The following GALNT17 variants were observed in gnomAD, a reference collection of about 807,000 sequenced individuals.
GALNT17 encodes UDP-GalNAc:polypeptide N-acetylgalactosaminyltransferase-like 3.
GALNT17 carries 29 observed loss-of-function variants against 63.7 expected under a neutral mutation model. That is an observed-to-expected ratio of 0.46 (90% CI 0.34 to 0.62). The LOEUF is 0.62. Ranked by LOEUF, GALNT17 falls within the 20% of genes least tolerant of loss-of-function variation. The probability of loss-of-function intolerance (pLI) is 0.01; values close to 1 mark genes in which losing one functional copy is unlikely to be tolerated. For missense variants in GALNT17, 603 were observed against 799.6 expected, an observed-to-expected ratio of 0.75 and a Z score of 2.97; for synonymous variants, 305 against 318.3, an observed-to-expected ratio of 0.96 and a Z score of 0.45.
At chr7:71,286,921 GCTGGGA>G (rs1790884880) in intron 1 of GALNT17, among the ~76,000 whole-genome samples, 1 of 151,800 alleles carries the variant, frequency 6.6e-6, no homozygotes, top group Non-Finnish European at 1.5e-5. Flanking sequence ...CTACTGAGTA[GCTGGGA>G]CTACAGGCGC....
chr7:71,625,812 CCAAA>C (rs1584098196), intron 6 of GALNT17, among the ~76,000 whole-genome samples: 1 of 152,166 alleles, frequency 6.6e-6, no homozygotes, highest in Non-Finnish European at 1.5e-5. Context: ...ATTGTATACT[CCAAA>C]CAATCATATG....
At chr7:71,344,304 T>G (rs545926235) in intron 2 of GALNT17, among the ~76,000 whole-genome samples, 81 of 152,164 alleles carry the variant, frequency 5.3e-4, no homozygotes, top group Middle Eastern at 3.4e-3. Context: ...AAACAAAAGC[T>G]CTTAAAGAAA....
At chr7:71,644,963 C>T (rs1790654555) in intron 6 of GALNT17, among the ~76,000 whole-genome samples, 1 of 152,104 alleles carries the variant, frequency 6.6e-6, no homozygotes, top group African/African-American at 2.4e-5. Context: ...CACTGTGGCT[C>T]CTCCATCATC....
chr7:71,623,810 C>T (rs1190483034), intron 6 of GALNT17, among the ~76,000 whole-genome samples: 3 of 152,166 alleles, frequency 2.0e-5, no homozygotes, highest in African/African-American at 4.8e-5. Context: ...CATGTGTACA[C>T]ATGTGAGCAT....
chr7:71,164,942 TAAAC>T (rs1246267962), intron 1 of GALNT17, among the ~76,000 whole-genome samples: 3 of 152,184 alleles, frequency 2.0e-5, no homozygotes, highest in African/African-American at 7.2e-5. Flanking sequence ...CTTTTTGAAA[TAAAC>T]ATGAATTTGC....
intron 5 of GALNT17, among the ~76,000 whole-genome samples, chr7:71,442,831 A>AGACCC (rs1787092433): frequency 6.6e-6 from 1 of 152,174 alleles, no homozygotes; most frequent in Non-Finnish European, 1.5e-5. Flanking sequence ...GCAGTGTGTG[A>AGACCC]GACCCGGGAG....
At chr7:71,656,043 C>T (rs913700072) in intron 6 of GALNT17, among the ~76,000 whole-genome samples, 10 of 152,180 alleles carry the variant, frequency 6.6e-5, no homozygotes, top group Non-Finnish European at 1.5e-4. Flanking sequence ...CCTCCAGCCC[C>T]TCTCCATTCA....
intron 5 of GALNT17, among the ~76,000 whole-genome samples, chr7:71,511,723 G>C (rs1165076556): frequency 6.6e-6 from 1 of 152,090 alleles, no homozygotes; most frequent in African/African-American, 2.4e-5. Context: ...GTCTACCATA[G>C]TGCCCCCTAT....
At chr7:71,605,353 C>T (rs555790405) in intron 6 of GALNT17, among the ~76,000 whole-genome samples, 3 of 152,054 alleles carry the variant, frequency 2.0e-5, no homozygotes, top group African/African-American at 2.4e-5. Context: ...TTTGGGAGGC[C>T]GAGGCAGGCG....
chr7:71,424,643 G>C (rs1313889336), intron 5 of GALNT17, among the ~76,000 whole-genome samples: 1 of 152,188 alleles, frequency 6.6e-6, no homozygotes, highest in Non-Finnish European at 1.5e-5. Flanking sequence ...TTTTTAATGT[G>C]TCTTAACTTA....
intron 5 of GALNT17, among the ~76,000 whole-genome samples, chr7:71,474,105 T>C (rs1421123230): frequency 6.6e-6 from 1 of 152,184 alleles, no homozygotes; most frequent in Non-Finnish European, 1.5e-5. Flanking sequence ...CTCCTCTCTT[T>C]AGCCATATAG....
intron 1 of GALNT17, among the ~76,000 whole-genome samples, chr7:71,247,582 G>A (rs754060692): frequency 6.6e-6 from 1 of 152,026 alleles, no homozygotes; most frequent in Non-Finnish European, 1.5e-5. Flanking sequence ...TCAGCCTCCC[G>A]AGCAGCTGGG....
intron 5 of GALNT17, among the ~76,000 whole-genome samples, chr7:71,536,546 G>A (rs1325588998): frequency 6.6e-6 from 1 of 152,154 alleles, no homozygotes; most frequent in African/African-American, 2.4e-5. Context: ...GATGGCAAGA[G>A]AAAATGAGGA....
chr7:71,227,578 GTTA>G (rs1789704529), intron 1 of GALNT17, among the ~76,000 whole-genome samples: 1 of 152,026 alleles, frequency 6.6e-6, no homozygotes, highest in South Asian at 2.1e-4. Flanking sequence ...AGAGACCCCT[GTTA>G]TCCCTCCTAC....
At chr7:71,234,258 TTA>T (rs1433939119) in intron 1 of GALNT17, among the ~76,000 whole-genome samples, 1 of 152,160 alleles carries the variant, frequency 6.6e-6, no homozygotes, top group Non-Finnish European at 1.5e-5. Flanking sequence ...GCATTTAATT[TTA>T]TAAGTTTATT....
intron 1 of GALNT17, among the ~76,000 whole-genome samples, chr7:71,170,471 G>T (rs1278743732): frequency 6.6e-6 from 1 of 152,022 alleles, no homozygotes; most frequent in African/African-American, 2.4e-5. Context: ...GAGTAGCTGT[G>T]ATTACAGGCA....
At chr7:71,647,320 C>T (rs1028825032) in intron 6 of GALNT17, among the ~76,000 whole-genome samples, 1 of 151,378 alleles carries the variant, frequency 6.6e-6, no homozygotes, top group East Asian at 1.9e-4. Context: ...CTGCCTGCCT[C>T]GGCCTCCCAA....
intron 1 of GALNT17, among the ~76,000 whole-genome samples, chr7:71,227,857 G>A (rs1354628161): frequency 1.3e-5 from 2 of 152,086 alleles, no homozygotes; most frequent in African/African-American, 2.4e-5. Context: ...TCCAGCTCAC[G>A]GGTTGAGGAA....
chr7:71,377,114 A>AAATATATATATATATATATATATATAT, intron 2 of GALNT17, among the ~76,000 whole-genome samples: 1 of 57,466 alleles, frequency 1.7e-5, no homozygotes, highest in Non-Finnish European at 3.0e-5. Context: ...AAATAAAAAA[A>AAATATATATATATATATATATATATAT]ATATATATAT....
Sources: gnomAD v4.1 joint callset for allele counts (sites outside exome capture counted in the v4.1 genomes callset) on GRCh38, gnomAD v4.1.1 for gene constraint, MANE v1.5 for transcripts, NCBI Gene and HGNC (gene_info 2026-07-23, HGNC 2026-07-21) for gene names.